Variants in SYCE3 observed in about 807,000 individuals in gnomAD.
The protein encoded by SYCE3 is testis highly expressed gene 2 protein.
Under a neutral mutation model 8.1 loss-of-function variants are expected in SYCE3, and 3 were observed. The ratio of observed to expected loss-of-function variants is 0.37; its 90% CI spans 0.17 to 0.96. The LOEUF is 0.96. SYCE3 is among the 40% of genes least tolerant of loss of function. SYCE3 has a pLI of 0.41. For missense variants in SYCE3, 83 were observed against 110.0 expected, an observed-to-expected ratio of 0.75 and a Z score of 1.10; for synonymous variants, 36 against 38.7, an observed-to-expected ratio of 0.93 and a Z score of 0.26.
At chr22:50,561,630 C>T (rs555950036) in intron 1 of SYCE3, among the ~76,000 whole-genome samples, 1 of 150,980 alleles carries the variant, frequency 6.6e-6, no homozygotes, top group Admixed American at 6.6e-5. Context: ...GAGTCAGAGC[C>T]TAGAGTCTGG....
chr22:50,558,397 C>T lies in SYCE3; in HGVS notation c.1-1992G>A, dbSNP rs548500675. Among the ~76,000 whole-genome samples, 30 of 151,834 alleles carry T rather than the reference C, an allele frequency of 2.0e-4. No individual in the cohort carries two copies. In the South Asian group the frequency reaches 4.4e-3, roughly 22 times the overall value. ...AGTGAGCCGAGATTGTGCCATTGCA[C>T]TCCAGTCTGGGTGACAAGAGCGAAA... is the stretch of plus-strand genomic sequence containing the variant. On this transcript the variant is annotated intron_variant, in intron 1 of 2. Coordinates refer to ENST00000406915, the MANE Select transcript of SYCE3 (RefSeq NM_001123225.3).
At chr22:50,551,467 A>AGGGTCAGATGCCTCCAGCTG (rs1387152017) in intron 2 of SYCE3, 65 bp from the exon 3 acceptor site, 47 of 1,490,386 alleles carry the variant, frequency 3.2e-5, no homozygotes, top group African/African-American at 1.9e-4. Flanking sequence ...GTGCCCCAGA[A>AGGGTCAGATGCCTCCAGCTG]GGGTCAGATG....
At chr22:50,557,240 T>C (rs2069869494) in intron 1 of SYCE3, among the ~76,000 whole-genome samples, 1 of 149,326 alleles carries the variant, frequency 6.7e-6, no homozygotes, top group East Asian at 2.0e-4. Flanking sequence ...CACCACAACC[T>C]CTGCTTCCTG....
At chr22:50,561,780 G>A (rs969303700) in intron 1 of SYCE3, among the ~76,000 whole-genome samples, 8 of 151,524 alleles carry the variant, frequency 5.3e-5, no homozygotes, top group African/African-American at 1.9e-4. Flanking sequence ...AGCAGCACAG[G>A]AAGGGAATGC....
rs372485677 is a variant in SYCE3, at chr22:50,554,968, A to G, written c.109+1329T>C. 7.3e-5 allele frequency among the ~76,000 whole-genome samples: 11 copies of G among 151,188 alleles called. No individual in the cohort carries two copies. The South Asian group carries it at 1.5e-3, about 20-fold the overall frequency. Reference sequence around the variant, plus strand: ...AAACCCCGTCTCTACTAAAAATACAAAAAATTAGCCAGGCGTGGTGGCGGG... The same window carrying G: ...AAACCCCGTCTCTACTAAAAATACAGAAAATTAGCCAGGCGTGGTGGCGGG... On this transcript the variant is annotated intron_variant, in intron 2 of 2. Transcript: ENST00000406915.
chr22:50,559,380 G>A (rs1420893308), intron 1 of SYCE3, among the ~76,000 whole-genome samples: 1 of 152,080 alleles, frequency 6.6e-6, no homozygotes, highest in South Asian at 2.1e-4. Flanking sequence ...CGCCTGCTTC[G>A]GCCTCCCAAG....
intron 1 of SYCE3, among the ~76,000 whole-genome samples, chr22:50,561,564 G>A (rs951774024): frequency 6.6e-6 from 1 of 151,296 alleles, no homozygotes; most frequent in Non-Finnish European, 1.5e-5. Flanking sequence ...AGCGTGGGGC[G>A]GGAGTGTAGG....
In SYCE3 at chr22:50,553,890, T is replaced by C. The variant is rs998905237; in HGVS notation, c.109+2407A>G. Among the ~76,000 whole-genome samples the C allele has an allele frequency of 1.3e-4, 20 of 152,122 alleles. 1 individual carries two copies. In the East Asian group the frequency reaches 3.5e-3, roughly 27 times the overall value. On this transcript the variant is annotated intron_variant, in intron 2 of 2. Coordinates refer to ENST00000406915, the MANE Select transcript of SYCE3 (RefSeq NM_001123225.3). The stretch of plus-strand genomic sequence containing the variant: ...GCCACCGTGCCCAGCCTGTAGCAGA[T>C]TTATATAAAAATGCAATATGCGGCT...
intron 2 of SYCE3, among the ~76,000 whole-genome samples, chr22:50,554,894 G>A (rs1484670489): frequency 2.6e-5 from 4 of 151,822 alleles, no homozygotes; most frequent in East Asian, 1.9e-4. Flanking sequence ...AGGCCGAGAC[G>A]GGCGGATCAC....
intron 1 of SYCE3, among the ~76,000 whole-genome samples, chr22:50,562,557 G>A (rs1395531618): frequency 7.9e-5 from 4 of 50,684 alleles, no homozygotes; most frequent in Admixed American, 6.3e-4. Flanking sequence ...GCGGGATGAG[G>A]GGTGAGGGGT....
At chr22:50,561,917 G>T (rs5770893) in intron 1 of SYCE3, among the ~76,000 whole-genome samples, 15,839 of 146,394 alleles carry the variant, frequency 0.11, 910 homozygotes, top group East Asian at 0.24. Flanking sequence ...GTGGACTCCG[G>T]GGTCCCAGGT....
chr22:50,560,487 G>C (rs551937280), intron 1 of SYCE3, among the ~76,000 whole-genome samples: 9 of 152,280 alleles, frequency 5.9e-5, no homozygotes, highest in African/African-American at 1.9e-4. Context: ...GTAAATTCAA[G>C]ATATTTGATT....
chr22:50,552,616 T>G (rs1465415428), intron 2 of SYCE3, among the ~76,000 whole-genome samples: 2 of 152,120 alleles, frequency 1.3e-5, no homozygotes, highest in East Asian at 3.9e-4. Flanking sequence ...TAAATCTCAG[T>G]CTCCTCATCT....
At chr22:50,555,055 G>A (rs2069846200) in intron 2 of SYCE3, among the ~76,000 whole-genome samples, 2 of 151,972 alleles carry the variant, frequency 1.3e-5, no homozygotes, top group African/African-American at 4.8e-5. Context: ...CCGGGAGGCG[G>A]AGCTTGCAGT....
At position 50,556,878 on chromosome 22, in the gene SYCE3, G is replaced by C. The variant is rs190719708; in HGVS notation, c.1-473C>G. Among the ~76,000 whole-genome samples, 4 of 152,196 alleles carry C rather than the reference G, an allele frequency of 2.6e-5. No homozygotes were observed. In the South Asian group the frequency reaches 8.3e-4, roughly 31 times the overall value. ...GACAAACCAGGATGTGACAGATGTC[G>C]AAGCAGTTAATGTAATAATTACAGA... On this transcript the variant is annotated intron_variant, in intron 1 of 2. Coordinates refer to ENST00000406915, the MANE Select transcript of SYCE3 (RefSeq NM_001123225.3).
intron 1 of SYCE3, among the ~76,000 whole-genome samples, chr22:50,558,545 C>A (rs79989431): frequency 0.029 from 4,424 of 152,284 alleles, 86 homozygotes; most frequent in Middle Eastern, 0.065. Flanking sequence ...ACAGGCAGAT[C>A]TGAGAATGAG....
At position 50,556,910 on chromosome 22, in the gene SYCE3, G is replaced by T. The variant is rs142823861; in HGVS notation, c.1-505C>A. ...TTAATGTAATAATTACAGACATCAA[G>T]CGATGGGAGCCTGGAGGCGGGTACG... On this transcript the variant is annotated intron_variant, in intron 1 of 2. Transcript: ENST00000406915. 2.2e-3 allele frequency among the ~76,000 whole-genome samples: 332 copies of T among 152,284 alleles called. 4 individuals are homozygous for T. Among genetic ancestry groups the T allele is most frequent in the African/African-American group, 7.8e-3 (323 of 41,552 alleles).
Position 50,551,421 on chromosome 22 carries a change from A to T in SYCE3, c.110-19T>A. The T allele has an allele frequency of 6.5e-7, 1 of 1,544,130 alleles. No homozygotes were observed. The highest frequency in any genetic ancestry group is 8.7e-7 in the Non-Finnish European group (1 of 1,144,158). ...GCCTGCACTGCAACAAGCAGACAGG[A>T]CTGGTCAGGCCACAGGGAGGGGCTG... On this transcript the variant is annotated intron_variant, in intron 2 of 2. Coordinates refer to ENST00000406915, the MANE Select transcript of SYCE3 (RefSeq NM_001123225.3).
intron 2 of SYCE3, among the ~76,000 whole-genome samples, chr22:50,554,111 C>T (rs902173029): frequency 5.3e-5 from 8 of 150,842 alleles, no homozygotes; most frequent in East Asian, 2.0e-4. Flanking sequence ...AGGAGAATGG[C>T]GTGAACCCGG....
Sources: gnomAD v4.1 joint callset for allele counts (sites outside exome capture counted in the v4.1 genomes callset) on GRCh38, gnomAD v4.1.1 for gene constraint, MANE v1.5 for transcripts, NCBI Gene and HGNC (gene_info 2026-07-23, HGNC 2026-07-21) for gene names.